The following UNC13C variants were observed in gnomAD, a reference collection of about 807,000 sequenced individuals.
The protein encoded by UNC13C is protein unc-13 homolog C.
UNC13C carries 174 observed loss-of-function variants against 245.4 expected under a neutral mutation model. That is an observed-to-expected ratio of 0.71 (90% CI 0.63 to 0.80). The LOEUF is 0.80. Among genes scored for constraint, UNC13C ranks in the 30% least tolerant of loss-of-function variants. UNC13C has a pLI of 0.00. For synonymous variants in UNC13C, 992 were observed against 895.1 expected, an observed-to-expected ratio of 1.11 and a Z score of -1.93; for missense variants, 2,829 against 2,602.9, an observed-to-expected ratio of 1.09 and a Z score of -1.89.
chr15:54,195,526 G>C (rs2034324675), intron 4 of UNC13C, among the ~76,000 whole-genome samples: 1 of 152,110 alleles, frequency 6.6e-6, no homozygotes, highest in Non-Finnish European at 1.5e-5. Flanking sequence ...GACAGAAGCA[G>C]CGCCTTTTGC....
At chr15:54,205,044 T>C (rs578208505) in intron 4 of UNC13C, among the ~76,000 whole-genome samples, 3 of 152,126 alleles carry the variant, frequency 2.0e-5, no homozygotes, top group East Asian at 3.9e-4. Flanking sequence ...ATATTATAAG[T>C]AATGGTTTCC....
At chr15:54,542,927 A>G (rs189974385) in intron 26 of UNC13C, among the ~76,000 whole-genome samples, 2 of 152,230 alleles carry the variant, frequency 1.3e-5, no homozygotes, top group East Asian at 3.9e-4. Flanking sequence ...AATACAGCAC[A>G]CTGATGGGTC....
At chr15:53,890,405 T>G in the UNC13C span, among the ~76,000 whole-genome samples, 1 of 152,186 alleles carries the variant, frequency 6.6e-6, no homozygotes, top group Non-Finnish European at 1.5e-5. Flanking sequence ...CCTCCCAAAG[T>G]GCTGGGATTA....
At chr15:54,437,681 G>T (rs944953424) in intron 19 of UNC13C, among the ~76,000 whole-genome samples, 3 of 151,898 alleles carry the variant, frequency 2.0e-5, no homozygotes, top group Non-Finnish European at 4.4e-5. Context: ...CTGATCGATT[G>T]CAAACAGGAA....
intron 1 of UNC13C, among the ~76,000 whole-genome samples, chr15:54,010,081 T>C (rs144688661): frequency 2.8e-3 from 430 of 152,324 alleles, no homozygotes; most frequent in African/African-American, 9.9e-3. Flanking sequence ...CTCACACTGC[T>C]TCTCCTTCTC....
chr15:54,194,198 G>A (rs1343107143), intron 4 of UNC13C, among the ~76,000 whole-genome samples: 1 of 152,006 alleles, frequency 6.6e-6, no homozygotes, highest in East Asian at 1.9e-4. Context: ...AGTTAGACGG[G>A]GTGATAGTTT....
At chr15:54,079,960 T>C (rs1898846868) in intron 2 of UNC13C, among the ~76,000 whole-genome samples, 1 of 151,716 alleles carries the variant, frequency 6.6e-6, no homozygotes, top group African/African-American at 2.4e-5. Flanking sequence ...CATATATGGC[T>C]TTGATTATTT....
At chr15:54,397,957 T>G (rs1214568683) in intron 18 of UNC13C, among the ~76,000 whole-genome samples, 1 of 151,412 alleles carries the variant, frequency 6.6e-6, no homozygotes, top group Non-Finnish European at 1.5e-5. Flanking sequence ...TTTTCTTGCC[T>G]TATTGCTCTG....
intron 4 of UNC13C, among the ~76,000 whole-genome samples, chr15:54,224,914 G>C (rs1001054913): frequency 6.6e-6 from 1 of 151,536 alleles, no homozygotes; most frequent in African/African-American, 2.4e-5. Context: ...TTTCTTCTAG[G>C]TTTTCCAATT....
intron 24 of UNC13C, among the ~76,000 whole-genome samples, chr15:54,515,929 C>A (rs1894954625): frequency 6.6e-6 from 1 of 152,142 alleles, no homozygotes; most frequent in African/African-American, 2.4e-5. Context: ...TCACATAAGT[C>A]CAGGCAGAAT....
intron 30 of UNC13C, among the ~76,000 whole-genome samples, chr15:54,568,302 T>G (rs1383603831): frequency 1.3e-5 from 2 of 152,116 alleles, no homozygotes; most frequent in African/African-American, 4.8e-5. Context: ...ATTTCTGGTC[T>G]TGGTATCTTC....
At chr15:53,955,695 G>A in the UNC13C span, 1 of 152,228 alleles carries the variant, frequency 6.6e-6, no homozygotes, top group East Asian at 1.9e-4. Flanking sequence ...TGTACAGAAA[G>A]AGGATTGGTT....
Position 54,455,223 on chromosome 15 carries a change from A to C in UNC13C, c.4934-39385A>C, listed in dbSNP as rs1482510981. Among the ~76,000 whole-genome samples the C allele has an allele frequency of 5.2e-5, 4 of 76,496 alleles. 1 individual carries two copies. 50.2% of individuals were successfully genotyped at this position (76,496 alleles called of 152,430 possible). On this transcript the variant is annotated intron_variant, in intron 19 of 32. Transcript: ENST00000260323. ...TCTCTCTCTATATATATATATATAT[A>C]TATATATATATATATGTTTTTTAAT...
At chr15:54,553,948 G>A (rs1896984993) in intron 28 of UNC13C, among the ~76,000 whole-genome samples, 3 of 151,576 alleles carry the variant, frequency 2.0e-5, no homozygotes, top group Admixed American at 1.3e-4. Flanking sequence ...AGTCTCAATG[G>A]GTATATAATA....
the UNC13C span, among the ~76,000 whole-genome samples, chr15:53,852,801 A>G: frequency 0.015 from 2,244 of 152,264 alleles, 55 homozygotes; most frequent in African/African-American, 0.051. Flanking sequence ...TAATTATGGC[A>G]GGAGATTAAT....
intron 11 of UNC13C, among the ~76,000 whole-genome samples, chr15:54,295,659 A>G (rs1444891564): frequency 7.2e-6 from 1 of 138,664 alleles, no homozygotes; most frequent in Non-Finnish European, 1.5e-5. Context: ...TAAAAAAAAA[A>G]TAAATACATA....
Position 54,343,853 on chromosome 15 carries a change from G to A in UNC13C, c.4713+5364G>A, listed in dbSNP as rs368040973. Among the ~76,000 whole-genome samples, 33 of 152,162 alleles carry A rather than the reference G, an allele frequency of 2.2e-4. No homozygotes were observed. The East Asian group carries it at 5.8e-3, about 27-fold the overall frequency. ...GCCAAGGAGCTGAGTTAAGGGGAGG[G>A]GCTTACTGGATAGAAATTACTAAGA... On this transcript the variant is annotated intron_variant, in intron 17 of 32. Transcript: ENST00000260323.
intron 16 of UNC13C, among the ~76,000 whole-genome samples, chr15:54,336,262 G>A (rs1051047105): frequency 2.6e-5 from 4 of 151,896 alleles, no homozygotes; most frequent in Admixed American, 1.3e-4. Context: ...ATTAACGTAT[G>A]CATTACCTCA....
At chr15:54,264,003 A>C in intron 8 of UNC13C, 165 bp from the exon 9 acceptor site, 1 of 634,542 alleles carries the variant, frequency 1.6e-6, no homozygotes, top group Non-Finnish European at 2.8e-6. Context: ...AGTTGTTGTG[A>C]ATCTCAGCAT....
Sources: gnomAD v4.1 joint callset for allele counts (sites outside exome capture counted in the v4.1 genomes callset) on GRCh38, gnomAD v4.1.1 for gene constraint, MANE v1.5 for transcripts, NCBI Gene and HGNC (gene_info 2026-07-23, HGNC 2026-07-21) for gene names.